BCL9L: variants seen among roughly 807,000 people sequenced by gnomAD.
BCL9L encodes BCL9 like.
A neutral mutation model predicts 99.4 loss-of-function variants in BCL9L; 19 were observed. That is an observed-to-expected ratio of 0.19 (90% CI 0.13 to 0.28). The LOEUF (loss-of-function observed/expected upper bound fraction) is 0.28, where lower values mean the gene tolerates loss of function less well. Ranked by LOEUF, BCL9L falls within the 10% of genes least tolerant of loss-of-function variation. BCL9L has a pLI of 1.00. For missense variants in BCL9L, 2,023 were observed against 2,101.6 expected, an observed-to-expected ratio of 0.96 and a Z score of 0.73; for synonymous variants, 900 against 854.8, an observed-to-expected ratio of 1.05 and a Z score of -0.92.
rs113541090 is a variant in BCL9L, at chr11:118,906,251, A to G, written c.532+1232T>C. On this transcript the variant is annotated intron_variant, in intron 5 of 9. Transcript: ENST00000683865. ...CTACAATGGTGCAGTCTGATGTGAC[A>G]TAAGTGAACTGGAGGTGGTGGCTAT... Among the ~76,000 whole-genome samples the G allele has an allele frequency of 5.9e-3, 900 of 152,314 alleles. 13 individuals carry two copies. Among genetic ancestry groups the G allele is most frequent in the African/African-American group, 0.02 (832 of 41,558 alleles).
rs143630877 is a variant in BCL9L at position 118,912,870 on chromosome 11, G to A, written c.-76-2855C>T. ...AGGACCCTGCTGGGGACAACAGGGC[G>A]AACGAGATCCTTGGCCTCTGGCTCA... On this transcript the variant is annotated intron_variant, in intron 2 of 9. Transcript: ENST00000683865. Among the ~76,000 whole-genome samples the A allele has an allele frequency of 1.6e-3, 248 of 152,276 alleles. 1 individual carries two copies. Among genetic ancestry groups the A allele is most frequent in the African/African-American group, 5.7e-3 (238 of 41,542 alleles).
At position 118,897,524 on chromosome 11, in the gene BCL9L, T is replaced by TG. The variant is rs1939963353; in HGVS notation, c.*890dup. ...CTCAGCAGCAGACAGGCTGCCGCCCTGGGGGTCTCAGCCCTGCTAGGGCTC... is the reference window on the plus strand; with the variant it reads ...CTCAGCAGCAGACAGGCTGCCGCCCTGGGGGGTCTCAGCCCTGCTAGGGCTC... On this transcript the variant is annotated 3_prime_UTR_variant, in exon 10 of 10. Coordinates refer to ENST00000683865, the MANE Select transcript of BCL9L (RefSeq NM_001378213.1). 1.8e-5 allele frequency: 6 copies of TG among 338,120 alleles called. No individual in the cohort carries two copies. Among genetic ancestry groups the TG allele is most frequent in the South Asian group, 1.3e-4 (6 of 44,490 alleles). The allele number at this position is 338,120 out of a possible 1,614,324, so 20.9% of individuals were successfully genotyped here.
chr11:118,913,387 C>G (rs1940867836), intron 2 of BCL9L, among the ~76,000 whole-genome samples: 1 of 152,182 alleles, frequency 6.6e-6, no homozygotes. Context: ...CCCACTGTCC[C>G]TTCTGGAGCC....
chr11:118,900,262 G>C lies in BCL9L; in HGVS notation c.3125-64C>G. 1 of 1,471,266 alleles carries C rather than the reference G, an allele frequency of 6.8e-7. No homozygotes were observed. The highest frequency in any genetic ancestry group is 9.1e-7 in the Non-Finnish European group (1 of 1,102,898). The allele number at this position is 1,471,266 out of a possible 1,614,324, so 91.1% of individuals were successfully genotyped here. A position where few individuals can be genotyped will look rare whatever the true frequency, so the allele number is the denominator to read the frequency against. The stretch of plus-strand genomic sequence containing the variant: ...GGGAGGGGCAGATGAGTTTGGCTGT[G>C]GATATGGGGAGGTTTAGGAAGCGGT... On this transcript the variant is annotated intron_variant, in intron 8 of 9. Coordinates refer to ENST00000683865, the MANE Select transcript of BCL9L (RefSeq NM_001378213.1). This position sits in a 1 kb window ranked among gnomAD's most constrained non-coding sequence, Gnocchi z 5.3.
In BCL9L at chr11:118,899,126, G is replaced by T. The variant is rs200803594; in HGVS notation, c.3789C>A (p.Pro1263=). 6.5e-7 allele frequency: 1 copy of T among 1,548,394 alleles called. No individual in the cohort carries two copies. Among genetic ancestry groups the T allele is most frequent in the Non-Finnish European group, 8.7e-7 (1 of 1,146,464 alleles). ...QHYPSGMALP[P]EDLPNQPPGP... ...CTGGCGGCTGGTTGGGCAGGTCCTC[G>T]GGAGGCAGGGCCATGCCTGACGGGT... The change falls in exon 10 of 10, where the codon CCC becomes CCA. Residue 1263 remains proline, a synonymous_variant. Coordinates refer to ENST00000683865, the MANE Select transcript of BCL9L (RefSeq NM_001378213.1).
At chr11:118,909,473 T>C (rs1468589897) in intron 3 of BCL9L, among the ~76,000 whole-genome samples, 1 of 152,150 alleles carries the variant, frequency 6.6e-6, no homozygotes, top group African/African-American at 2.4e-5. Flanking sequence ...TCAGCTCTGC[T>C]GTCCTGCTGC....
chr11:118,902,294 C>CG lies in BCL9L; in HGVS notation c.1448dup (p.Leu484AlafsTer4), dbSNP rs752970264. On this transcript the variant is annotated frameshift_variant, in exon 8 of 10. Transcript: ENST00000683865. LOFTEE classifies it high-confidence loss of function. This position sits in a 1 kb window ranked among gnomAD's most constrained non-coding sequence, Gnocchi z 7.8. ...GGTGCCCAGGCACTTCATGCTCCAG[C>CG]GGGGGGCCCCCTAGGCTCTGTGTCT... 6.4e-7 allele frequency: 1 copy of CG among 1,556,818 alleles called. No individual in the cohort carries two copies.
Position 118,921,599 on chromosome 11 carries a change from A to T in BCL9L, c.-130-2720T>A, listed in dbSNP as rs1275950241. On this transcript the variant is annotated intron_variant, in intron 1 of 9. Transcript: ENST00000683865. This position sits in a 1 kb window ranked among gnomAD's most constrained non-coding sequence, Gnocchi z 5.4. The stretch of plus-strand genomic sequence containing the variant: ...CAGAGGGAGTCCCAGCTCTGGTGGA[A>T]GGGGGCCTAGAATAAAACACCAGGG... Among the ~76,000 whole-genome samples the T allele has an allele frequency of 1.3e-5, 2 of 152,086 alleles. No homozygotes were observed. The highest frequency in any genetic ancestry group is 2.9e-5 in the Non-Finnish European group (2 of 68,014).
Position 118,900,168 on chromosome 11 carries a change from C to G in BCL9L, c.3155G>C (p.Ser1052Thr), listed in dbSNP as rs1043293779. The G allele has an allele frequency of 1.9e-6, 3 of 1,608,326 alleles. No homozygotes were observed. The highest frequency in any genetic ancestry group is 2.7e-5 in the African/African-American group (2 of 74,842). Residue 1052 changes from serine to threonine, a missense_variant, in exon 9 of 10, where the codon AGC (serine) becomes ACC (threonine). Transcript: ENST00000683865. This position sits in a 1 kb window ranked among gnomAD's most constrained non-coding sequence, Gnocchi z 5.3. ...GTLPPSGPRS[S>T]SSAPPANPPS... ...AGGGTTGGCGGGAGGTGCTGAGGAG[C>G]TGCTCCGGGGGCCGCTAGGCGGGAG...
At chr11:118,909,790 C>T in intron 3 of BCL9L, 124 bp downstream of exon 3, 11 of 1,508,570 alleles carry the variant, frequency 7.3e-6, no homozygotes, top group Middle Eastern at 1.7e-4. Flanking sequence ...CACTGGTGGC[C>T]TGGGAGCCAG....
chr11:118,917,119 C>T (rs1022565494), intron 2 of BCL9L, among the ~76,000 whole-genome samples: 46 of 152,268 alleles, frequency 3.0e-4, no homozygotes, highest in African/African-American at 9.9e-4. Flanking sequence ...CAGGCACCAA[C>T]GATGGGGAAG....
rs1410771582 is a variant in BCL9L at position 118,919,952 on chromosome 11, C to T, written c.-130-1073G>A. ...AAAATTCCTTGCCCAGGCCCTCCCCCTGCTGGGTCACTGAGCACTGTACCA... is the reference window on the plus strand; with the variant it reads ...AAAATTCCTTGCCCAGGCCCTCCCCTTGCTGGGTCACTGAGCACTGTACCA... On this transcript the variant is annotated intron_variant, in intron 1 of 9. Coordinates refer to ENST00000683865, the MANE Select transcript of BCL9L (RefSeq NM_001378213.1). Among the ~76,000 whole-genome samples, 4 of 152,206 alleles carry T rather than the reference C, an allele frequency of 2.6e-5. No homozygotes were observed. In the East Asian group the frequency reaches 7.7e-4, roughly 29 times the overall value.
rs115832962 is a variant in BCL9L at position 118,905,642 on chromosome 11, C to T, written c.532+1841G>A. On this transcript the variant is annotated intron_variant, in intron 5 of 9. Transcript: ENST00000683865. The stretch of plus-strand genomic sequence containing the variant: ...GACCGGTCTGGCCAACATGCTAAAA[C>T]TCCACCTCTGCTAAAAATACAAAAA... Among the ~76,000 whole-genome samples the T allele has an allele frequency of 6.7e-3, 1,004 of 150,418 alleles. 10 individuals are homozygous for T. The highest frequency in any genetic ancestry group is 0.023 in the African/African-American group (933 of 40,932).
Position 118,908,294 on chromosome 11 carries a change from G to C in BCL9L, c.388C>G (p.Pro130Ala). The change falls in exon 4 of 10, where the codon CCA becomes GCA. Residue 130 changes from proline to alanine, a missense_variant. Pro to Ala is a conservative substitution (Grantham distance 27). Around this residue, in one of 3 missense-constraint regions of BCL9L, gnomAD observed 1,116 missense variants for 1,194.6 expected, o/e 0.93. Transcript: ENST00000683865. ...CCTTTGGCCTCTGAATCCAGGGATG[G>C]GGTCCCAGCCTCTCGCTGCTCTCCA... is the stretch of plus-strand genomic sequence containing the variant. ...DSGEQREAGT[P>A]SLDSEAKEVA... 1 of 1,561,014 alleles carries C rather than the reference G, an allele frequency of 6.4e-7. No homozygotes were observed. Among genetic ancestry groups the C allele is most frequent in the Non-Finnish European group, 8.7e-7 (1 of 1,151,702 alleles).
rs1941180687 is a variant in BCL9L, at chr11:118,922,874, C to T, written c.-131+2364G>A. Among the ~76,000 whole-genome samples the T allele has an allele frequency of 6.6e-6, 1 of 152,080 alleles. No homozygotes were observed. Among genetic ancestry groups the T allele is most frequent in the Admixed American group, 6.5e-5 (1 of 15,278 alleles). On this transcript the variant is annotated intron_variant, in intron 1 of 9. Coordinates refer to ENST00000683865, the MANE Select transcript of BCL9L (RefSeq NM_001378213.1). The surrounding 1 kb of genome is among the most constrained non-coding windows in gnomAD (Gnocchi z 6.2). Reference sequence around the variant, plus strand: ...GACCACAAGAACCCCAAAGGACTTCCCAGGCACCTCCTTGTGGGCCTCTTC... The same window carrying T: ...GACCACAAGAACCCCAAAGGACTTCTCAGGCACCTCCTTGTGGGCCTCTTC...
intron 2 of BCL9L, among the ~76,000 whole-genome samples, chr11:118,913,053 AG>A (rs1340983202): frequency 3.9e-4 from 59 of 152,288 alleles, no homozygotes; most frequent in African/African-American, 1.4e-3. Context: ...GTAGCCCAGC[AG>A]GAAATCTGCT....
In BCL9L at chr11:118,900,514, C is replaced by A; in HGVS notation, c.3124+105G>T. ...ATAAGCAGAGCCATCCACCTCTGGGCCCGTGGTACACAGGCCCTTACTCAC... is the reference window on the plus strand; with the variant it reads ...ATAAGCAGAGCCATCCACCTCTGGGACCGTGGTACACAGGCCCTTACTCAC... On this transcript the variant is annotated intron_variant, in intron 8 of 9. Coordinates refer to ENST00000683865, the MANE Select transcript of BCL9L (RefSeq NM_001378213.1). This position sits in a 1 kb window ranked among gnomAD's most constrained non-coding sequence, Gnocchi z 5.3. 1 of 1,478,094 alleles carries A rather than the reference C, an allele frequency of 6.8e-7. No individual in the cohort carries two copies. Among genetic ancestry groups the A allele is most frequent in the South Asian group, 1.4e-5 (1 of 72,362 alleles). 91.6% of individuals were successfully genotyped at this position (1,478,094 alleles called of 1,614,324 possible).
rs1374175251 is a variant in BCL9L, at chr11:118,898,650, G to A, written c.4265C>T (p.Ser1422Phe). 3 of 1,611,964 alleles carry A rather than the reference G, an allele frequency of 1.9e-6. No homozygotes were observed. Among genetic ancestry groups the A allele is most frequent in the Admixed American group, 1.7e-5 (1 of 59,904 alleles). Residue 1422 changes from serine to phenylalanine, a missense_variant, in exon 10 of 10, where the codon TCC becomes TTC. Physicochemically the swap from Ser to Phe is radical, Grantham distance 155. Around this residue, in one of 3 missense-constraint regions of BCL9L, gnomAD observed 902 missense variants for 888.2 expected, o/e 1.02. Coordinates refer to ENST00000683865, the MANE Select transcript of BCL9L (RefSeq NM_001378213.1). ...CTGGGTCATGAGGCCTTGTGGAGGG[G>A]ACATGACCCCCTGGTGCAGGCCATG... is the stretch of plus-strand genomic sequence containing the variant. ...VPHGLHQGVM[S>F]PPQGLMTQQN...
Position 118,922,181 on chromosome 11 carries a change from G to C in BCL9L, c.-131+3057C>G, listed in dbSNP as rs1198860874. On this transcript the variant is annotated intron_variant, in intron 1 of 9. Transcript: ENST00000683865. This position sits in a 1 kb window ranked among gnomAD's most constrained non-coding sequence, Gnocchi z 6.2. ...GAGGGAGGGGAGGTCAGGCCAGGCT[G>C]GGGGTGGGGCTCAGAGGCCTGGCCC... is the stretch of plus-strand genomic sequence containing the variant. 1.3e-5 allele frequency among the ~76,000 whole-genome samples: 2 copies of C among 152,184 alleles called. No individual in the cohort carries two copies. Among genetic ancestry groups the C allele is most frequent in the East Asian group, 1.9e-4 (1 of 5,198 alleles).
Sources: gnomAD v4.1 joint callset for allele counts (sites outside exome capture counted in the v4.1 genomes callset) on GRCh38, gnomAD v4.1.1 for gene constraint, gnomAD v4.1.1 regional missense constraint, Gnocchi (gnomAD v3.1) non-coding constraint, MANE v1.5 for transcripts, NCBI Gene and HGNC (gene_info 2026-07-23, HGNC 2026-07-21) for gene names.